Variants in PRDM16 observed in about 807,000 individuals in gnomAD.
The protein encoded by PRDM16 is PR/SET domain 16, also known as histone-lysine N-methyltransferase PRDM16.
PRDM16 carries 23 observed loss-of-function variants against 110.6 expected under a neutral mutation model. That is an observed-to-expected ratio of 0.21 (90% CI 0.15 to 0.29). PRDM16 has a LOEUF of 0.29. Ranked by LOEUF, PRDM16 falls within the 10% of genes least tolerant of loss-of-function variation. The probability of loss-of-function intolerance (pLI) is 1.00; values close to 1 mark genes in which losing one functional copy is unlikely to be tolerated. For missense variants in PRDM16, 1,615 were observed against 1,794.3 expected, an observed-to-expected ratio of 0.90 and a Z score of 1.81; for synonymous variants, 799 against 781.8, an observed-to-expected ratio of 1.02 and a Z score of -0.37.
chr1:3,387,980 G>A (rs529668325), intron 4 of PRDM16, among the ~76,000 whole-genome samples: 3 of 152,280 alleles, frequency 2.0e-5, no homozygotes, highest in Non-Finnish European at 4.4e-5. Context: ...GCACGGCCTC[G>A]GCAGAAAGCA....
intron 3 of PRDM16, among the ~76,000 whole-genome samples, chr1:3,312,069 C>T (rs563314719): frequency 7.9e-5 from 12 of 152,220 alleles, no homozygotes; most frequent in Non-Finnish European, 1.3e-4. Flanking sequence ...GGGTTCACAT[C>T]GCAGCCCGGC....
intron 2 of PRDM16, chr1:3,237,856 C>T (rs1639573403): frequency 6.6e-6 from 1 of 152,302 alleles, no homozygotes; most frequent in South Asian, 2.1e-4. Flanking sequence ...CGGTGGCAGC[C>T]CTGCAGGTCG....
In PRDM16 at chr1:3,146,575, G is replaced by A. The variant is rs115333827; in HGVS notation, c.38-39550G>A. 7.1e-3 allele frequency among the ~76,000 whole-genome samples: 1,019 copies of A among 143,936 alleles called. 20 individuals are homozygous for A. The highest frequency in any genetic ancestry group is 0.024 in the African/African-American group (912 of 38,692). The allele number at this position is 143,936 out of a possible 152,430, so 94.4% of individuals were successfully genotyped here. On this transcript the variant is annotated intron_variant, in intron 1 of 16. Coordinates refer to ENST00000270722, the MANE Select transcript of PRDM16 (RefSeq NM_022114.4). The stretch of plus-strand genomic sequence containing the variant: ...GTGGGGTGTGTACACATGTGTGCTC[G>A]GTGTGGGGCATATGTGTGCACGTGT...
chr1:3,385,856 G>A (rs930224884), intron 4 of PRDM16, among the ~76,000 whole-genome samples: 6 of 152,260 alleles, frequency 3.9e-5, no homozygotes, highest in South Asian at 2.1e-4. Flanking sequence ...CTTCACTTCC[G>A]TCCCTGCCAC....
At chr1:3,197,803 C>T (rs1048974566) in intron 2 of PRDM16, among the ~76,000 whole-genome samples, 3 of 152,106 alleles carry the variant, frequency 2.0e-5, no homozygotes, top group Admixed American at 1.3e-4. Context: ...CTGGGTCAGA[C>T]GCAGGTCCCA....
At position 3,369,695 on chromosome 1, in the gene PRDM16, TC is replaced by T. The variant is rs1459231815; in HGVS notation, c.439-15456del. ...CATTTGGAGGAAAAGCATGTCTCTC[TC>T]AATTAAGCCAAAAGGAGGCCCAGGC... On this transcript the variant is annotated intron_variant, in intron 3 of 16. Transcript: ENST00000270722. 5.3e-5 allele frequency among the ~76,000 whole-genome samples: 8 copies of T among 152,208 alleles called. No homozygotes were observed. In the East Asian group the frequency reaches 1.5e-3, roughly 29 times the overall value.
intron 2 of PRDM16, among the ~76,000 whole-genome samples, chr1:3,219,288 T>G (rs1211815459): frequency 6.6e-6 from 1 of 152,216 alleles, no homozygotes; most frequent in African/African-American, 2.4e-5. Flanking sequence ...GTCAGCGCAG[T>G]GAAAGAAAAT....
At chr1:3,418,194 G>A (rs1355588835) in intron 11 of PRDM16, among the ~76,000 whole-genome samples, 197 bp downstream of exon 11, 1 of 152,248 alleles carries the variant, frequency 6.6e-6, no homozygotes, top group Non-Finnish European at 1.5e-5. Context: ...CTCACGCCAT[G>A]CTGTGCTCTT....
At position 3,328,943 on chromosome 1, in the gene PRDM16, G is replaced by A. The variant is rs1406894908; in HGVS notation, c.439-56209G>A. ...CATCCACAGGGGCCTGCCGGGGGAG[G>A]GCACCAATGCTGGCGGGTAGGGAAC... is the stretch of plus-strand genomic sequence containing the variant. On this transcript the variant is annotated intron_variant, in intron 3 of 16. Coordinates refer to ENST00000270722, the MANE Select transcript of PRDM16 (RefSeq NM_022114.4). Among the ~76,000 whole-genome samples, 3 of 152,154 alleles carry A rather than the reference G, an allele frequency of 2.0e-5. No homozygotes were observed. In the East Asian group the frequency reaches 5.8e-4, roughly 29 times the overall value.
chr1:3,435,812 C>T lies in PRDM16; in HGVS notation c.*2001C>T, dbSNP rs556939593. ...CCAGGCTTGCACTGAAGACGTGCCA[C>T]GGGGAGGCTCCTGCAGGAGGCTCAA... On this transcript the variant is annotated 3_prime_UTR_variant, in exon 17 of 17. Transcript: ENST00000270722. 108 of 232,138 alleles carry T rather than the reference C, an allele frequency of 4.7e-4. No homozygotes were observed. The highest frequency in any genetic ancestry group is 7.3e-4 in the Admixed American group (13 of 17,766). The allele number at this position is 232,138 out of a possible 1,614,324, so 14.4% of individuals were successfully genotyped here.
chr1:3,343,151 C>T (rs973313711), intron 3 of PRDM16, among the ~76,000 whole-genome samples: 17 of 150,494 alleles, frequency 1.1e-4, no homozygotes, highest in South Asian at 2.1e-4. Context: ...CGGTCCTCAC[C>T]GACACTTAGT....
intron 1 of PRDM16, among the ~76,000 whole-genome samples, chr1:3,174,568 C>T (rs924164924): frequency 6.6e-6 from 1 of 152,170 alleles, no homozygotes; most frequent in African/African-American, 2.4e-5. Context: ...GAAGGCAGCA[C>T]TGTGGACTGT....
At chr1:3,360,109 C>T (rs1239228018) in intron 3 of PRDM16, among the ~76,000 whole-genome samples, 2 of 152,250 alleles carry the variant, frequency 1.3e-5, no homozygotes, top group Middle Eastern at 3.2e-3. Flanking sequence ...TTTATCTCAT[C>T]GTCCAGGACA....
rs559271836 is a variant in PRDM16, at chr1:3,303,515, G to A, written c.438+59378G>A. ...GCCTTTCGCCGTTGGGAAGAGTGCCGTGGTGACCGTCCCAAGACAAGTGTT... is the reference window on the plus strand; with the variant it reads ...GCCTTTCGCCGTTGGGAAGAGTGCCATGGTGACCGTCCCAAGACAAGTGTT... On this transcript the variant is annotated intron_variant, in intron 3 of 16. Coordinates refer to ENST00000270722, the MANE Select transcript of PRDM16 (RefSeq NM_022114.4). Among the ~76,000 whole-genome samples the A allele has an allele frequency of 5.3e-5, 8 of 152,272 alleles. No individual in the cohort carries two copies. In the South Asian group the frequency reaches 1.0e-3, roughly 20 times the overall value.
Position 3,253,798 on chromosome 1 carries a change from T to C in PRDM16, c.438+9661T>C, listed in dbSNP as rs1054093099. On this transcript the variant is annotated intron_variant, in intron 3 of 16. Transcript: ENST00000270722. ...GGAATTGCCACACTGACTTCCACAATGGTTGAACTAGTTTACAGTCCCACC... is the reference window on the plus strand; with the variant it reads ...GGAATTGCCACACTGACTTCCACAACGGTTGAACTAGTTTACAGTCCCACC... Among the ~76,000 whole-genome samples, 44 of 152,264 alleles carry C rather than the reference T, an allele frequency of 2.9e-4. 1 individual carries two copies. The highest frequency in any genetic ancestry group is 9.6e-4 in the African/African-American group (40 of 41,564).
intron 3 of PRDM16, among the ~76,000 whole-genome samples, chr1:3,347,630 C>T (rs571724407): frequency 6.6e-6 from 1 of 152,328 alleles, no homozygotes; most frequent in East Asian, 1.9e-4. Context: ...GAGTCCATGA[C>T]CCTGCCCCAG....
intron 3 of PRDM16, among the ~76,000 whole-genome samples, chr1:3,298,689 T>C (rs1412625812): frequency 6.6e-6 from 1 of 152,104 alleles, no homozygotes; most frequent in Non-Finnish European, 1.5e-5. Context: ...GGCTGAGGTC[T>C]GAGGACACTG....
chr1:3,116,078 A>G (rs1386672942), intron 1 of PRDM16, among the ~76,000 whole-genome samples: 1 of 152,124 alleles, frequency 6.6e-6, no homozygotes, highest in East Asian at 1.9e-4. Context: ...GGAGCCCCTC[A>G]CACGGCAGGC....
chr1:3,277,051 T>C (rs1053900581), intron 3 of PRDM16, among the ~76,000 whole-genome samples: 5 of 152,092 alleles, frequency 3.3e-5, no homozygotes, highest in African/African-American at 1.2e-4. Flanking sequence ...CAGAGCCTCT[T>C]GCATTTCCCC....
Sources: allele counts gnomAD v4.1 joint callset (sites outside exome capture counted in the v4.1 genomes callset), GRCh38; gene constraint gnomAD v4.1.1; transcripts MANE v1.5; gene names NCBI Gene and HGNC (gene_info 2026-07-23, HGNC 2026-07-21).